The following RTEL1 variants were observed in gnomAD, a reference collection of about 807,000 sequenced individuals.
The protein encoded by RTEL1 is regulator of telomere elongation helicase 1.
RTEL1 carries 86 observed loss-of-function variants against 162.2 expected under a neutral mutation model. The observed-to-expected ratio is 0.53, with a 90% CI of 0.45 to 0.63. The LOEUF is 0.63. Among genes scored for constraint, RTEL1 ranks in the 30% least tolerant of loss-of-function variants. The pLI, the probability that RTEL1 is intolerant of heterozygous loss-of-function variation, is 0.00. For missense variants in RTEL1, 1,941 were observed against 1,750.2 expected (o/e 1.11, Z -1.95); for synonymous variants, 958 against 717.9 (o/e 1.33, Z -5.35).
At chr20:63,694,299 G>GGCCCGCCC in intron 30 of RTEL1, 73 bp from the exon 31 acceptor site, 5 of 841,714 alleles carry the variant, frequency 5.9e-6, no homozygotes, top group East Asian at 2.8e-5. Context: ...TCCCTAGCCA[G>GGCCCGCCC]CCCTGCCCCC....
rs762490825 is a variant in RTEL1, at chr20:63,687,619, G to GCCGCCCC, written c.1349-11_1349-5dup. ...CCCGTCCTCACACTCTGTGCCCTCT[G>GCCGCCCC]CCGCCCCCCGCCCCACAGGGAAGGT... On this transcript the variant is annotated intron_variant, in intron 16 of 34. Coordinates refer to ENST00000360203, the MANE Select transcript of RTEL1 (RefSeq NM_001283009.2). 3.1e-6 allele frequency: 5 copies of GCCGCCCC among 1,592,372 alleles called. No individual in the cohort carries two copies. Among genetic ancestry groups the GCCGCCCC allele is most frequent in the South Asian group, 1.1e-5 (1 of 88,548 alleles).
chr20:63,685,247 G>T (rs906500322), intron 14 of RTEL1, among the ~76,000 whole-genome samples: 4 of 152,142 alleles, frequency 2.6e-5, no homozygotes, highest in African/African-American at 7.2e-5. Flanking sequence ...GGCTGGGCCA[G>T]TTGGCGGGAG....
intron 17 of RTEL1, 41 bp downstream of exon 17, chr20:63,687,811 C>CTG (rs1283130504): frequency 1.9e-6 from 3 of 1,555,306 alleles, no homozygotes; most frequent in Admixed American, 3.8e-5. Flanking sequence ...CCGGTGACAC[C>CTG]TCTGACATCA....
Position 63,695,221 on chromosome 20 carries a change from G to T in RTEL1, c.3499G>T (p.Gly1167Cys), listed in dbSNP as rs1247597921. 6.2e-7 allele frequency: 1 copy of T among 1,611,126 alleles called. No homozygotes were observed. The highest frequency in any genetic ancestry group is 2.2e-5 in the East Asian group (1 of 44,842). The change falls in exon 33 of 35, where the codon GGC (glycine) becomes TGC (cysteine). Residue 1167 changes from glycine (G) to cysteine (C), a missense_variant and splice_region_variant. Coordinates refer to ENST00000360203, the MANE Select transcript of RTEL1 (RefSeq NM_001283009.2). ...GCTTACCCACAGGGCTCCCCAACCA[G>T]GTAGGGCACCTGCCTGGCTGCTCCT... is the stretch of plus-strand genomic sequence containing the variant. ...PVLTHRAPQP[G>C]PSRSEKTGKT...
intron 7 of RTEL1, among the ~76,000 whole-genome samples, chr20:63,666,881 C>T (rs570405225): frequency 4.2e-4 from 61 of 146,488 alleles, no homozygotes; most frequent in South Asian, 1.1e-3. Context: ...GCTCTGTCGC[C>T]CAGGCTGGAG....
intron 28 of RTEL1, chr20:63,692,510 G>C (rs2090773743): frequency 2.1e-6 from 1 of 485,458 alleles, no homozygotes; most frequent in South Asian, 2.4e-5. Context: ...GAGGAGGAGA[G>C]AGACGGGCCA....
At chr20:63,694,304 G>GCCCC (rs753644798) in intron 30 of RTEL1, 68 bp from the exon 31 acceptor site, 12 of 812,978 alleles carry the variant, frequency 1.5e-5, no homozygotes, top group Admixed American at 1.8e-5. Context: ...AGCCAGCCCT[G>GCCCC]CCCCCCCACC....
At chr20:63,690,753 C>A in intron 26 of RTEL1, 52 bp from the exon 27 acceptor site, 2 of 1,540,962 alleles carry the variant, frequency 1.3e-6, no homozygotes, top group South Asian at 2.4e-5. Flanking sequence ...CAGGCAGGGA[C>A]CCCAGCTGGG....
At chr20:63,664,067 G>C (rs1855640740) in intron 6 of RTEL1, among the ~76,000 whole-genome samples, 1 of 152,216 alleles carries the variant, frequency 6.6e-6, no homozygotes, top group African/African-American at 2.4e-5. Context: ...TGGCACCAAG[G>C]ACCCTCAGTC....
At chr20:63,671,864 C>T (rs1030174583) in intron 8 of RTEL1, among the ~76,000 whole-genome samples, 38 of 151,908 alleles carry the variant, frequency 2.5e-4, no homozygotes, top group African/African-American at 8.2e-4. Flanking sequence ...GTGGGTGGGA[C>T]CTGGGAGTTG....
Position 63,689,724 on chromosome 20 carries a change from C to T in RTEL1, c.2026-26C>T, listed in dbSNP as rs199583107. ...CCCGCCCCGTGGCCAAGGGAGCCCC[C>T]GTGACCGAGCCGCCTCGCCCCACAG... On this transcript the variant is annotated intron_variant, in intron 23 of 34. Coordinates refer to ENST00000360203, the MANE Select transcript of RTEL1 (RefSeq NM_001283009.2). The T allele has an allele frequency of 1.8e-4, 296 of 1,607,724 alleles. 1 individual carries two copies. The East Asian group carries it at 4.7e-3, about 25-fold the overall frequency.
At chr20:63,683,470 C>T (rs191806299) in intron 14 of RTEL1, among the ~76,000 whole-genome samples, 1 of 152,306 alleles carries the variant, frequency 6.6e-6, no homozygotes, top group East Asian at 1.9e-4. Context: ...TTTCTCTCTC[C>T]TTCTGTGCGT....
chr20:63,685,582 C>T lies in RTEL1; in HGVS notation c.1251C>T (p.Ala417=), dbSNP rs776000925. 3 of 1,611,870 alleles carry T rather than the reference C, an allele frequency of 1.9e-6. No homozygotes were observed. Among genetic ancestry groups the T allele is most frequent in the Admixed American group, 1.7e-5 (1 of 59,906 alleles). The part of the protein sequence containing the change: ...GSPGSPAGLG[A]LQSYKVHIHP... ...CTGGTTCCCCAGCAGGGCTGGGGGC[C>T]TTACAGTCCTATAAGGTAGGGGCCA... is the stretch of plus-strand genomic sequence containing the variant. Residue 417 remains alanine (A), a synonymous_variant, in exon 15 of 35, where the codon GCC becomes GCT. Transcript: ENST00000360203.
At position 63,688,006 on chromosome 20, in the gene RTEL1, C is replaced by T. The variant is rs1171672332; in HGVS notation, c.1551C>T (p.Pro517=). The part of the protein sequence containing the change: ...DKHQIWVGVV[P]RGPDGAQLSS... ...ACCAGATCTGGGTGGGGGTCGTCCC[C>T]AGAGGCCCCGATGGAGCCCAGTTGA... is the stretch of plus-strand genomic sequence containing the variant. Residue 517 remains proline (P), a synonymous_variant, in exon 18 of 35, where the codon CCC becomes CCT. Coordinates refer to ENST00000360203, the MANE Select transcript of RTEL1 (RefSeq NM_001283009.2). The T allele has an allele frequency of 1.9e-6, 3 of 1,612,842 alleles. No individual in the cohort carries two copies. The highest frequency in any genetic ancestry group is 8.5e-7 in the Non-Finnish European group (1 of 1,180,004).
chr20:63,695,133 C>A lies in RTEL1; in HGVS notation c.3411C>A (p.Gly1137=). The change falls in exon 33 of 35, where the codon GGC becomes GGA. Residue 1137 remains glycine, a synonymous_variant. Transcript: ENST00000360203. ...RFSQTCTDLT[G]RPYPGMEPPG... Reference sequence around the variant, plus strand: ...CACAGACGTGCACAGACCTGACCGGCCGGCCCTACCCGGGCATGGAGCCAC... The same window carrying A: ...CACAGACGTGCACAGACCTGACCGGACGGCCCTACCCGGGCATGGAGCCAC... 6 of 1,612,370 alleles carry A rather than the reference C, an allele frequency of 3.7e-6. No homozygotes were observed. Among genetic ancestry groups the A allele is most frequent in the Non-Finnish European group, 5.1e-6 (6 of 1,179,850 alleles).
Position 63,690,156 on chromosome 20 carries a change from C to G in RTEL1, c.2211C>G (p.Asn737Lys). 3 of 1,612,596 alleles carry G rather than the reference C, an allele frequency of 1.9e-6. No individual in the cohort carries two copies. The highest frequency in any genetic ancestry group is 2.5e-6 in the Non-Finnish European group (3 of 1,179,856). ...WVRPHVRVYDNFGHVIRDVAQ... is the reference protein window; with the variant it reads ...WVRPHVRVYDKFGHVIRDVAQ... ...GTCCCCACGTCAGGGTGTATGACAA[C>G]TTTGGCCATGTCATCCGAGACGTGG... is the stretch of plus-strand genomic sequence containing the variant. Residue 737 changes from asparagine to lysine, a missense_variant, in exon 25 of 35, where the codon AAC becomes AAG. Transcript: ENST00000360203.
intron 6 of RTEL1, among the ~76,000 whole-genome samples, chr20:63,665,697 C>T (rs530054700): frequency 6.6e-6 from 1 of 152,272 alleles, no homozygotes; most frequent in East Asian, 1.9e-4. Flanking sequence ...AGCCGCCACT[C>T]CTGTCCTGTC....
In RTEL1 at chr20:63,694,987, G is replaced by A. The variant is rs1306645353; in HGVS notation, c.3343+13G>A. On this transcript the variant is annotated intron_variant, in intron 32 of 34. Transcript: ENST00000360203. Reference sequence around the variant, plus strand: ...CCCCTGCTGCACAGCAAGTGGCCCTGGCGTGGGGAACAGCCGGTGGGGTGG... The same window carrying A: ...CCCCTGCTGCACAGCAAGTGGCCCTAGCGTGGGGAACAGCCGGTGGGGTGG... The A allele has an allele frequency of 1.9e-6, 3 of 1,611,646 alleles. No homozygotes were observed.
At chr20:63,662,706 C>A in intron 5 of RTEL1, 79 bp downstream of exon 5, 1 of 1,603,834 alleles carries the variant, frequency 6.2e-7, no homozygotes, top group South Asian at 1.1e-5. Flanking sequence ...AGGCTGCGCT[C>A]CCGCTGGGCT....
Sources: allele counts gnomAD v4.1 joint callset (sites outside exome capture counted in the v4.1 genomes callset), GRCh38; gene constraint gnomAD v4.1.1; transcripts MANE v1.5; gene names NCBI Gene and HGNC (gene_info 2026-07-23, HGNC 2026-07-21).